The following MROH9 variants were observed in gnomAD, a reference collection of about 807,000 sequenced individuals.
MROH9 encodes the protein maestro heat-like repeat-containing protein family member 9.
MROH9 carries 92 observed loss-of-function variants against 98.2 expected under a neutral mutation model. The observed-to-expected ratio is 0.94, with a 90% CI of 0.79 to 1.11. The LOEUF is 1.11. MROH9 is among the 50% of genes most tolerant of loss of function. MROH9 has a pLI of 0.00. For synonymous variants in MROH9, 397 were observed against 368.9 expected, an observed-to-expected ratio of 1.08 and a Z score of -0.87; for missense variants, 1,057 against 1,014.8, an observed-to-expected ratio of 1.04 and a Z score of -0.57.
intron 20 of MROH9, among the ~76,000 whole-genome samples, chr1:171,029,457 C>T (rs1371797183): frequency 6.6e-6 from 1 of 152,130 alleles, no homozygotes; most frequent in Non-Finnish European, 1.5e-5. Flanking sequence ...ATCCACCTGC[C>T]TCAGCCTCCT....
intron 21 of MROH9, among the ~76,000 whole-genome samples, chr1:171,063,263 T>TC (rs1205196623): frequency 6.7e-6 from 1 of 149,818 alleles, no homozygotes; most frequent in African/African-American, 2.5e-5. Context: ...TTTTTTTTTT[T>TC]TTTTTTTTGA....
chr1:171,020,431 C>A (rs1652479036), intron 17 of MROH9, among the ~76,000 whole-genome samples: 1 of 152,204 alleles, frequency 6.6e-6, no homozygotes, highest in Admixed American at 6.5e-5. Flanking sequence ...AGGTCAGCTT[C>A]ATCCCCGGGA....
chr1:171,023,252 T>G (rs1652575203), intron 17 of MROH9, among the ~76,000 whole-genome samples: 1 of 152,144 alleles, frequency 6.6e-6, no homozygotes. Flanking sequence ...AATTTAAAAA[T>G]TAACCTCTTC....
chr1:170,981,699 A>G (rs2101797723), intron 8 of MROH9, among the ~76,000 whole-genome samples: 1 of 151,704 alleles, frequency 6.6e-6, no homozygotes, highest in Non-Finnish European at 1.5e-5. Flanking sequence ...ACAAACCTGC[A>G]CGTTCTGCAC....
intron 16 of MROH9, chr1:171,015,094 T>C (rs977837145): frequency 2.1e-6 from 1 of 470,862 alleles, no homozygotes; most frequent in Non-Finnish European, 4.4e-6. Flanking sequence ...AAATGTTCTA[T>C]AAATCATTAC....
At chr1:170,995,359 A>C in intron 12 of MROH9, 30 bp from the exon 13 acceptor site, 1 of 1,611,814 alleles carries the variant, frequency 6.2e-7, no homozygotes. Flanking sequence ...AAATGTTTAC[A>C]TTTCTACCTC....
At position 170,994,314 on chromosome 1, in the gene MROH9, C is replaced by T. The variant is rs149384961; in HGVS notation, c.1195-1075C>T. ...GTGAATATGGTTTGTCTGCCCATAA[C>T]TGTTACCCACGTGACTGCTGTTAGT... On this transcript the variant is annotated intron_variant, in intron 12 of 21. Transcript: ENST00000367759. Among the ~76,000 whole-genome samples, 3 of 152,280 alleles carry T rather than the reference C, an allele frequency of 2.0e-5. No individual in the cohort carries two copies. The East Asian group carries it at 5.8e-4, about 29-fold the overall frequency.
intron 2 of MROH9, among the ~76,000 whole-genome samples, chr1:170,947,292 G>A (rs963249270): frequency 2.6e-5 from 4 of 151,838 alleles, no homozygotes; most frequent in African/African-American, 7.3e-5. Flanking sequence ...TACTACTTGG[G>A]TATAGGCTTT....
chr1:170,973,722 A>C (rs895916821), intron 8 of MROH9, among the ~76,000 whole-genome samples: 1 of 152,130 alleles, frequency 6.6e-6, no homozygotes, highest in Non-Finnish European at 1.5e-5. Context: ...CTAAAAATAC[A>C]AAATTAGCTG....
intron 11 of MROH9, 44 bp downstream of exon 11, chr1:170,990,047 A>C: frequency 6.4e-7 from 1 of 1,553,478 alleles, no homozygotes; most frequent in South Asian, 1.2e-5. Flanking sequence ...GGGCTTGTTC[A>C]CAGGCTGCAC....
In MROH9 at chr1:170,995,501, A is replaced by C. The variant is rs778008883; in HGVS notation, c.1307A>C (p.Glu436Ala). Reference sequence around the variant, plus strand: ...ATGTTCCAAGTCTTCTACAACAGTGAGCTGAAACCGATACTCAAGGACAGG... The same window carrying C: ...ATGTTCCAAGTCTTCTACAACAGTGCGCTGAAACCGATACTCAAGGACAGG... ...TLMFQVFYNS[E>A]LKPILKDRAL... is the part of the protein sequence containing the mutation. Residue 436 changes from glutamate (E) to alanine (A), a missense_variant, in exon 13 of 22, where the codon GAG becomes GCG. Transcript: ENST00000367759. The C allele has an allele frequency of 5.0e-6, 8 of 1,613,332 alleles. No individual in the cohort carries two copies. In the Admixed American group the frequency reaches 1.3e-4, roughly 27 times the overall value.
At chr1:171,023,722 G>A (rs1353821479) in intron 17 of MROH9, among the ~76,000 whole-genome samples, 2 of 152,038 alleles carry the variant, frequency 1.3e-5, no homozygotes, top group Non-Finnish European at 2.9e-5. Flanking sequence ...AATTAACATA[G>A]CCATTACCTC....
chr1:171,058,647 A>G (rs1192942497), intron 20 of MROH9, among the ~76,000 whole-genome samples: 5 of 152,232 alleles, frequency 3.3e-5, no homozygotes, highest in East Asian at 3.9e-4. Context: ...AAAAACAGAC[A>G]TATAGACCAA....
At position 170,971,732 on chromosome 1, in the gene MROH9, T is replaced by C. The variant is rs375268763; in HGVS notation, c.481-16T>C. Reference sequence around the variant, plus strand: ...TATGCATAGCAAATGCATGTTCTCCTTTGTTTCTCCATTAGATAAGTGTTG... The same window carrying C: ...TATGCATAGCAAATGCATGTTCTCCCTTGTTTCTCCATTAGATAAGTGTTG... On this transcript the variant is annotated splice_polypyrimidine_tract_variant and intron_variant, in intron 7 of 21. Transcript: ENST00000367759. 238 of 1,613,534 alleles carry C rather than the reference T, an allele frequency of 1.5e-4. No homozygotes were observed. The highest frequency in any genetic ancestry group is 2.0e-4 in the Non-Finnish European group (234 of 1,179,610).
intron 20 of MROH9, among the ~76,000 whole-genome samples, chr1:171,047,279 A>C (rs1028112052): frequency 2.0e-5 from 3 of 152,114 alleles, no homozygotes; most frequent in Admixed American, 6.5e-5. Flanking sequence ...CTTTCTCTGC[A>C]TCCTCTTTAA....
At chr1:170,986,422 A>G (rs1442056207) in intron 9 of MROH9, 139 bp from the exon 10 acceptor site, 1 of 636,768 alleles carries the variant, frequency 1.6e-6, no homozygotes, top group Non-Finnish European at 2.6e-6. Flanking sequence ...GAAGAGAGAG[A>G]CTCCAACAAG....
At chr1:170,947,487 T>A in intron 2 of MROH9, 40 bp from the exon 3 acceptor site, 1 of 1,571,276 alleles carries the variant, frequency 6.4e-7, no homozygotes, top group Non-Finnish European at 8.7e-7. Flanking sequence ...TAGGAGTCTA[T>A]GTTCATTCCT....
At chr1:170,949,635 T>TAAAAACC (rs1290658980) in intron 3 of MROH9, among the ~76,000 whole-genome samples, 1 of 151,852 alleles carries the variant, frequency 6.6e-6, no homozygotes, top group Non-Finnish European at 1.5e-5. Flanking sequence ...TTTCAAAATT[T>TAAAAACC]AAAAACCAAA....
At chr1:171,049,725 C>T (rs1002318223) in intron 20 of MROH9, among the ~76,000 whole-genome samples, 1 of 151,580 alleles carries the variant, frequency 6.6e-6, no homozygotes, top group African/African-American at 2.4e-5. Context: ...TCCTCTGTAG[C>T]CCAGGCTGGA....
Sources: allele counts gnomAD v4.1 joint callset (sites outside exome capture counted in the v4.1 genomes callset), GRCh38; gene constraint gnomAD v4.1.1; transcripts MANE v1.5; gene names NCBI Gene and HGNC (gene_info 2026-07-23, HGNC 2026-07-21).